CACNA2D1: variants seen among roughly 807,000 people sequenced by gnomAD.
CACNA2D1 encodes the protein calcium voltage-gated channel auxiliary subunit alpha2delta 1, also known as voltage-dependent calcium channel subunit alpha-2/delta-1.
Under a neutral mutation model 171.5 loss-of-function variants are expected in CACNA2D1, and 53 were observed. The observed-to-expected ratio is 0.31, with a 90% CI of 0.25 to 0.39. The LOEUF (loss-of-function observed/expected upper bound fraction) is 0.39, where lower values mean the gene tolerates loss of function less well. CACNA2D1 is among the 10% of genes least tolerant of loss of function. The probability of loss-of-function intolerance (pLI) is 1.00; values close to 1 mark genes in which losing one functional copy is unlikely to be tolerated. For synonymous variants in CACNA2D1, 442 were observed against 443.1 expected, an observed-to-expected ratio of 1.00 and a Z score of 0.03; for missense variants, 903 against 1,299.8, an observed-to-expected ratio of 0.69 and a Z score of 4.69.
Position 81,950,304 on chromosome 7 carries a change from A to G in CACNA2D1, c.*88T>C. ...CCAGCTAATGTTTGTCTGATTTTATAGCTGACCCTACGTTACTGTAATTGA... is the reference window on the plus strand; with the variant it reads ...CCAGCTAATGTTTGTCTGATTTTATGGCTGACCCTACGTTACTGTAATTGA... On this transcript the variant is annotated 3_prime_UTR_variant, in exon 39 of 39. Transcript: ENST00000356860. The G allele has an allele frequency of 6.2e-7, 1 of 1,611,098 alleles. No individual in the cohort carries two copies. Among genetic ancestry groups the G allele is most frequent in the Non-Finnish European group, 8.5e-7 (1 of 1,178,280 alleles).
chr7:82,042,927 A>T (rs1804134834), intron 10 of CACNA2D1, among the ~76,000 whole-genome samples: 1 of 152,024 alleles, frequency 6.6e-6, no homozygotes. Flanking sequence ...TAATAAATAG[A>T]CCCCTCTATT....
At chr7:82,438,929 A>T (rs2129459750) in intron 1 of CACNA2D1, among the ~76,000 whole-genome samples, 1 of 152,274 alleles carries the variant, frequency 6.6e-6, no homozygotes, top group Non-Finnish European at 1.5e-5. Context: ...TTTTTTTCCC[A>T]AAATGTTATG....
chr7:82,146,983 CAAAAAAAAAAAAAAAAAAAAAA>C (rs764990586), intron 4 of CACNA2D1, among the ~76,000 whole-genome samples: 1 of 25,476 alleles, frequency 3.9e-5, no homozygotes, highest in Non-Finnish European at 6.1e-5. Context: ...ACTCCCATCT[CAAAAAAAAAAAAAAAAAAAAAA>C]AAAAAAAAAA....
intron 7 of CACNA2D1, among the ~76,000 whole-genome samples, chr7:82,068,263 C>A (rs1461472048): frequency 4.6e-5 from 7 of 152,196 alleles, no homozygotes; most frequent in Admixed American, 3.3e-4. Flanking sequence ...CGCCCCCTGC[C>A]CCAGATATTT....
intron 21 of CACNA2D1, among the ~76,000 whole-genome samples, chr7:81,989,231 G>A (rs1797281982): frequency 6.6e-6 from 1 of 152,222 alleles, no homozygotes; most frequent in African/African-American, 2.4e-5. Context: ...AATTCACAGA[G>A]CTGACGGTCA....
intron 7 of CACNA2D1, among the ~76,000 whole-genome samples, chr7:82,068,971 C>G (rs575056066): frequency 6.6e-6 from 1 of 151,874 alleles, no homozygotes; most frequent in Admixed American, 6.6e-5. Flanking sequence ...TTGTTTATAA[C>G]CTTAGGTGGT....
chr7:82,109,612 A>G (rs553070859), intron 6 of CACNA2D1, among the ~76,000 whole-genome samples: 1 of 152,246 alleles, frequency 6.6e-6, no homozygotes, highest in East Asian at 1.9e-4. Flanking sequence ...ATAAAAAAAT[A>G]TTTTTTGGAA....
intron 3 of CACNA2D1, among the ~76,000 whole-genome samples, chr7:82,238,701 G>A (rs1049928908): frequency 2.0e-5 from 3 of 152,038 alleles, no homozygotes; most frequent in Non-Finnish European, 4.4e-5. Context: ...TTGAGAAGAG[G>A]AATCTTGGAT....
intron 6 of CACNA2D1, among the ~76,000 whole-genome samples, chr7:82,101,271 T>C (rs1812645368): frequency 6.6e-6 from 1 of 152,174 alleles, no homozygotes; most frequent in Non-Finnish European, 1.5e-5. Context: ...CTTCTCAACA[T>C]TCCTGTACCA....
chr7:82,340,163 G>A (rs2129444851), intron 2 of CACNA2D1, among the ~76,000 whole-genome samples: 1 of 152,206 alleles, frequency 6.6e-6, no homozygotes, highest in Non-Finnish European at 1.5e-5. Context: ...AGCAATAGAA[G>A]ACTAACATAA....
intron 21 of CACNA2D1, among the ~76,000 whole-genome samples, chr7:81,986,980 C>T (rs1272850065): frequency 1.3e-5 from 2 of 152,068 alleles, no homozygotes; most frequent in Non-Finnish European, 2.9e-5. Context: ...TAATTAAAAC[C>T]GATAACATTA....
chr7:82,187,746 AT>A (rs1034311014), intron 3 of CACNA2D1, among the ~76,000 whole-genome samples: 56 of 150,646 alleles, frequency 3.7e-4, no homozygotes, highest in African/African-American at 1.4e-3. Context: ...TGCTTTGATA[AT>A]TGAGAGCTAA....
intron 3 of CACNA2D1, among the ~76,000 whole-genome samples, chr7:82,247,511 A>G (rs1276602184): frequency 7.1e-6 from 1 of 140,894 alleles, no homozygotes. Flanking sequence ...CTCAAAAAAG[A>G]AAAAAAAAAA....
chr7:82,081,847 T>TGGTGGGAGGGGGTGTGTGAGCA (rs1339616059), intron 7 of CACNA2D1, among the ~76,000 whole-genome samples: 1 of 148,170 alleles, frequency 6.7e-6, no homozygotes, highest in African/African-American at 2.7e-5. Flanking sequence ...ACCCAGCCTC[T>TGGTGGGAGGGGGTGTGTGAGCA]GGTGGGAGGG....
At chr7:82,120,101 G>A (rs769971916) in intron 5 of CACNA2D1, among the ~76,000 whole-genome samples, 4 of 152,160 alleles carry the variant, frequency 2.6e-5, no homozygotes, top group Non-Finnish European at 5.9e-5. Context: ...TGAGGGCCTT[G>A]AGCCCAGGAG....
intron 3 of CACNA2D1, among the ~76,000 whole-genome samples, chr7:82,262,158 C>T (rs981822861): frequency 1.8e-4 from 27 of 152,064 alleles, no homozygotes; most frequent in Non-Finnish European, 2.9e-4. Context: ...GGTGAAACCC[C>T]GTCTCTACTA....
chr7:82,167,096 T>C (rs1399835073), intron 4 of CACNA2D1, among the ~76,000 whole-genome samples: 1 of 152,096 alleles, frequency 6.6e-6, no homozygotes, highest in East Asian at 1.9e-4. Context: ...AAATTATGTC[T>C]GCCTTCTAAA....
intron 10 of CACNA2D1, among the ~76,000 whole-genome samples, chr7:82,060,043 GC>G (rs555598954): frequency 3.0e-4 from 32 of 107,818 alleles, no homozygotes; most frequent in Non-Finnish European, 5.4e-4. Context: ...TATACCTAAT[GC>G]TAAATGACGA....
At chr7:82,161,629 T>C (rs1012719036) in intron 4 of CACNA2D1, among the ~76,000 whole-genome samples, 3 of 152,026 alleles carry the variant, frequency 2.0e-5, no homozygotes, top group African/African-American at 7.2e-5. Context: ...GAGGAGAAAG[T>C]GATCCTTTGA....
Sources: gnomAD v4.1 joint callset for allele counts (sites outside exome capture counted in the v4.1 genomes callset) on GRCh38, gnomAD v4.1.1 for gene constraint, MANE v1.5 for transcripts, NCBI Gene and HGNC (gene_info 2026-07-23, HGNC 2026-07-21) for gene names.